STX8: variants seen among roughly 807,000 people sequenced by gnomAD.
STX8 encodes the protein syntaxin-8.
Under a neutral mutation model 37.5 loss-of-function variants are expected in STX8, and 23 were observed. The ratio of observed to expected loss-of-function variants is 0.61; its 90% CI spans 0.44 to 0.87. STX8 has a LOEUF of 0.87. Among genes scored for constraint, STX8 ranks in the 40% least tolerant of loss-of-function variants. STX8 has a pLI of 0.00. For synonymous variants in STX8, 115 were observed against 99.1 expected, an observed-to-expected ratio of 1.16 and a Z score of -0.95; for missense variants, 313 against 284.7, an observed-to-expected ratio of 1.10 and a Z score of -0.71.
intron 7 of STX8, among the ~76,000 whole-genome samples, chr17:9,366,587 T>C (rs1911238056): frequency 6.6e-6 from 1 of 152,196 alleles, no homozygotes; most frequent in African/African-American, 2.4e-5. Flanking sequence ...TTCACCACTA[T>C]GCTATATACG....
chr17:9,375,972 G>A (rs187986430), intron 7 of STX8, among the ~76,000 whole-genome samples: 6 of 152,226 alleles, frequency 3.9e-5, no homozygotes, highest in Non-Finnish European at 2.9e-5. Flanking sequence ...TCTCACATAC[G>A]TATGGAAAGC....
At chr17:9,253,354 G>C (rs1323752642) in intron 7 of STX8, among the ~76,000 whole-genome samples, 25 of 151,978 alleles carry the variant, frequency 1.6e-4, no homozygotes, top group Admixed American at 1.6e-3. Flanking sequence ...AGAAGCAGAA[G>C]AACAAATCTT....
intron 7 of STX8, among the ~76,000 whole-genome samples, chr17:9,352,602 C>A (rs1910745590): frequency 6.6e-6 from 1 of 151,472 alleles, no homozygotes; most frequent in Admixed American, 6.6e-5. Flanking sequence ...CGGGTTCACG[C>A]CATTCTCCTG....
intron 4 of STX8, among the ~76,000 whole-genome samples, chr17:9,524,513 G>A (rs542165145): frequency 2.6e-5 from 4 of 152,148 alleles, no homozygotes; most frequent in South Asian, 2.1e-4. Flanking sequence ...TTACTTCCCC[G>A]AAGGTCCCAC....
At chr17:9,364,260 A>G (rs1309771191) in intron 7 of STX8, among the ~76,000 whole-genome samples, 1 of 152,190 alleles carries the variant, frequency 6.6e-6, no homozygotes, top group Non-Finnish European at 1.5e-5. Context: ...TATATTCATC[A>G]AAGTGCCACA....
intron 7 of STX8, among the ~76,000 whole-genome samples, chr17:9,362,828 C>CAAA (rs765809132): frequency 2.0e-5 from 2 of 102,148 alleles, no homozygotes; most frequent in East Asian, 2.6e-4. Flanking sequence ...GACTCCGTCT[C>CAAA]AAAAAAAAAA....
intron 7 of STX8, among the ~76,000 whole-genome samples, chr17:9,251,602 G>A (rs2142114657): frequency 6.6e-6 from 1 of 152,344 alleles, no homozygotes; most frequent in African/African-American, 2.4e-5. Context: ...GGAGAGCCAC[G>A]TGTGCAGGGT....
At chr17:9,403,260 A>G (rs1165444738) in intron 6 of STX8, among the ~76,000 whole-genome samples, 4 of 152,222 alleles carry the variant, frequency 2.6e-5, no homozygotes, top group Non-Finnish European at 5.9e-5. Context: ...TGGTGGTGAA[A>G]GTATCGATAA....
intron 6 of STX8, among the ~76,000 whole-genome samples, chr17:9,451,788 T>TAC (rs929351274): frequency 5.6e-5 from 8 of 141,874 alleles, no homozygotes; most frequent in East Asian, 3.9e-4. Context: ...TATACATATA[T>TAC]ACAGAGAGAG....
chr17:9,391,261 C>G (rs949525483), intron 6 of STX8, among the ~76,000 whole-genome samples: 2 of 148,360 alleles, frequency 1.3e-5, no homozygotes, highest in Admixed American at 1.3e-4. Context: ...CGAGACCAGC[C>G]CGGCCAACAT....
intron 5 of STX8, among the ~76,000 whole-genome samples, chr17:9,493,756 T>C (rs1251199077): frequency 6.6e-6 from 1 of 152,226 alleles, no homozygotes; most frequent in Non-Finnish European, 1.5e-5. Context: ...AATCCCTCGT[T>C]ACTCTAATCC....
At chr17:9,486,132 G>A (rs563998029) in intron 6 of STX8, among the ~76,000 whole-genome samples, 2 of 152,026 alleles carry the variant, frequency 1.3e-5, no homozygotes, top group African/African-American at 4.8e-5. Flanking sequence ...GATAATGAAC[G>A]GCCTAAAAGT....
intron 7 of STX8, among the ~76,000 whole-genome samples, chr17:9,282,751 T>C (rs1349683009): frequency 1.3e-5 from 2 of 152,232 alleles, no homozygotes; most frequent in African/African-American, 4.8e-5. Context: ...CCAACCTATA[T>C]GGCCACAAAG....
At chr17:9,421,944 C>T (rs891600154) in intron 6 of STX8, among the ~76,000 whole-genome samples, 9 of 152,130 alleles carry the variant, frequency 5.9e-5, no homozygotes, top group African/African-American at 1.7e-4. Context: ...GTTCTCTCTT[C>T]CTCCTGCTCC....
chr17:9,558,506 G>C lies in STX8; in HGVS notation c.118-978C>G, dbSNP rs138253539. ...GGAACAATCACCTACAATGTTGTGG[G>C]GAAACACCAAGGAAAGCAGATCTCT... On this transcript the variant is annotated intron_variant, in intron 2 of 7. Coordinates refer to ENST00000306357, the MANE Select transcript of STX8 (RefSeq NM_004853.3). Among the ~76,000 whole-genome samples, 6 of 152,228 alleles carry C rather than the reference G, an allele frequency of 3.9e-5. No homozygotes were observed. In the East Asian group the frequency reaches 1.2e-3, roughly 29 times the overall value.
intron 7 of STX8, among the ~76,000 whole-genome samples, chr17:9,370,061 T>C (rs1245249776): frequency 6.6e-6 from 1 of 150,714 alleles, no homozygotes; most frequent in Non-Finnish European, 1.5e-5. Context: ...TAAAAAATAC[T>C]AAAATTAGCC....
At chr17:9,449,007 GA>G (rs1239204816) in intron 6 of STX8, among the ~76,000 whole-genome samples, 1 of 152,074 alleles carries the variant, frequency 6.6e-6, no homozygotes, top group African/African-American at 2.4e-5. Context: ...ACCAAGTGCT[GA>G]CAAGAATAAG....
At chr17:9,427,687 A>G (rs934778324) in intron 6 of STX8, among the ~76,000 whole-genome samples, 1 of 152,158 alleles carries the variant, frequency 6.6e-6, no homozygotes, top group Non-Finnish European at 1.5e-5. Flanking sequence ...GTTGGCTCAC[A>G]GACAGAGTGG....
At chr17:9,498,872 T>C (rs143836214) in intron 5 of STX8, among the ~76,000 whole-genome samples, 13 of 152,274 alleles carry the variant, frequency 8.5e-5, no homozygotes, top group Non-Finnish European at 1.5e-4. Flanking sequence ...GGGACAAGGG[T>C]GTATAATAAC....
Sources: gnomAD v4.1 joint callset for allele counts (sites outside exome capture counted in the v4.1 genomes callset) on GRCh38, gnomAD v4.1.1 for gene constraint, MANE v1.5 for transcripts, NCBI Gene and HGNC (gene_info 2026-07-23, HGNC 2026-07-21) for gene names.